The following CNTN5 variants were observed in gnomAD, a reference collection of about 807,000 sequenced individuals.
CNTN5 encodes the protein contactin-5.
Under a neutral mutation model 129.1 loss-of-function variants are expected in CNTN5, and 77 were observed. The ratio of observed to expected loss-of-function variants is 0.60; its 90% CI spans 0.50 to 0.72. The LOEUF (loss-of-function observed/expected upper bound fraction) is 0.72, where lower values mean the gene tolerates loss of function less well. Ranked by LOEUF, CNTN5 falls within the 30% of genes least tolerant of loss-of-function variation. The probability of loss-of-function intolerance (pLI) is 0.00; values close to 1 mark genes in which losing one functional copy is unlikely to be tolerated. For synonymous variants in CNTN5, 509 were observed against 465.6 expected (o/e 1.09, Z -1.20); for missense variants, 1,478 against 1,328.8 (o/e 1.11, Z -1.75).
chr11:99,223,655 G>A lies in CNTN5; in HGVS notation c.-209-101691G>A, dbSNP rs572115048. 2.6e-5 allele frequency among the ~76,000 whole-genome samples: 4 copies of A among 152,248 alleles called. No homozygotes were observed. In the South Asian group the frequency reaches 8.3e-4, roughly 32 times the overall value. ...ACAAAATAATCTGTCTTATACTTGA[G>A]AGGCTCTAATTACATAGAAGTCCCC... On this transcript the variant is annotated intron_variant, in intron 1 of 24. Coordinates refer to ENST00000524871, the MANE Select transcript of CNTN5 (RefSeq NM_014361.4).
At chr11:99,416,601 A>G (rs1157466873) in intron 2 of CNTN5, among the ~76,000 whole-genome samples, 1 of 152,104 alleles carries the variant, frequency 6.6e-6, no homozygotes, top group Non-Finnish European at 1.5e-5. Flanking sequence ...TACTACTGTC[A>G]CAGGTGCAAG....
chr11:100,014,358 C>T (rs532517260), intron 9 of CNTN5, among the ~76,000 whole-genome samples: 11 of 152,216 alleles, frequency 7.2e-5, no homozygotes, highest in Non-Finnish European at 1.3e-4. Flanking sequence ...CAAGTCCCCC[C>T]TCTCCATTTT....
chr11:99,874,639 C>T (rs1948588184), intron 6 of CNTN5, among the ~76,000 whole-genome samples: 1 of 152,210 alleles, frequency 6.6e-6, no homozygotes, highest in South Asian at 2.1e-4. Flanking sequence ...GGAAATACAT[C>T]TTCGTAATCT....
chr11:100,191,115 A>G lies in CNTN5; in HGVS notation c.1581-11A>G. ...AAACAGAAAAAAAAACTGTTTTTAAATAATTTTCAGAATAGCTATTCTTCC... is the reference window on the plus strand; with the variant it reads ...AAACAGAAAAAAAAACTGTTTTTAAGTAATTTTCAGAATAGCTATTCTTCC... On this transcript the variant is annotated splice_polypyrimidine_tract_variant and intron_variant, in intron 13 of 24. Coordinates refer to ENST00000524871, the MANE Select transcript of CNTN5 (RefSeq NM_014361.4). The G allele has an allele frequency of 3.2e-6, 5 of 1,575,546 alleles. No individual in the cohort carries two copies. Among genetic ancestry groups the G allele is most frequent in the Non-Finnish European group, 4.3e-6 (5 of 1,162,722 alleles).
intron 1 of CNTN5, among the ~76,000 whole-genome samples, chr11:99,314,421 T>C (rs1485675555): frequency 6.6e-6 from 1 of 152,262 alleles, no homozygotes; most frequent in African/African-American, 2.4e-5. Flanking sequence ...TGCTGTACCA[T>C]GTACACTTGG....
At chr11:99,424,342 G>T (rs1943024232) in intron 2 of CNTN5, among the ~76,000 whole-genome samples, 1 of 152,184 alleles carries the variant, frequency 6.6e-6, no homozygotes, top group Non-Finnish European at 1.5e-5. Flanking sequence ...GGGATCTGGG[G>T]GTTGTCGCTT....
At chr11:99,332,978 G>A (rs966878494) in intron 2 of CNTN5, among the ~76,000 whole-genome samples, 4 of 151,852 alleles carry the variant, frequency 2.6e-5, no homozygotes, top group African/African-American at 4.8e-5. Flanking sequence ...TTCATGCATC[G>A]TAATTTAGAA....
At chr11:100,143,472 A>G (rs7936996) in intron 13 of CNTN5, among the ~76,000 whole-genome samples, 5,306 of 152,226 alleles carry the variant, frequency 0.035, 284 homozygotes, top group African/African-American at 0.12. Flanking sequence ...TAGTTATACT[A>G]GGAAAGAGAA....
intron 2 of CNTN5, among the ~76,000 whole-genome samples, chr11:99,414,058 G>A (rs1942525217): frequency 6.6e-6 from 1 of 152,164 alleles, no homozygotes; most frequent in Non-Finnish European, 1.5e-5. Flanking sequence ...AGGAGCTTCA[G>A]TGATCCCAAG....
At chr11:99,058,202 A>G (rs561941631) in intron 1 of CNTN5, among the ~76,000 whole-genome samples, 1 of 152,098 alleles carries the variant, frequency 6.6e-6, no homozygotes, top group East Asian at 2.0e-4. Flanking sequence ...CTTTCTTCTG[A>G]CTGAGTAGCT....
At chr11:99,969,810 C>G (rs1264046353) in intron 8 of CNTN5, among the ~76,000 whole-genome samples, 1 of 152,114 alleles carries the variant, frequency 6.6e-6, no homozygotes, top group African/African-American at 2.4e-5. Flanking sequence ...CCCAGTGTGT[C>G]TTATTTGCAC....
At chr11:99,536,261 T>G (rs925892489) in intron 2 of CNTN5, among the ~76,000 whole-genome samples, 2 of 132,672 alleles carry the variant, frequency 1.5e-5, no homozygotes, top group Non-Finnish European at 1.7e-5. Flanking sequence ...AATAAGAAAA[T>G]CTTTTTTTTA....
chr11:100,263,459 A>T (rs978336090), intron 17 of CNTN5, among the ~76,000 whole-genome samples: 7 of 152,246 alleles, frequency 4.6e-5, no homozygotes, highest in African/African-American at 1.7e-4. Flanking sequence ...AATTTATTTG[A>T]TATTTAGGCT....
intron 1 of CNTN5, among the ~76,000 whole-genome samples, chr11:99,054,561 A>G (rs970308289): frequency 2.0e-5 from 3 of 151,902 alleles, no homozygotes; most frequent in Non-Finnish European, 2.9e-5. Context: ...AAGGCTTTCC[A>G]AAGTGTTCCT....
At chr11:99,417,789 A>G (rs1405453431) in intron 2 of CNTN5, among the ~76,000 whole-genome samples, 1 of 152,138 alleles carries the variant, frequency 6.6e-6, no homozygotes, top group Non-Finnish European at 1.5e-5. Context: ...TATAAATCAC[A>G]TTCTTTGGAT....
At chr11:99,819,493 ATAAAC>A in intron 3 of CNTN5, 46 bp from the exon 4 acceptor site, 1 of 1,489,296 alleles carries the variant, frequency 6.7e-7, no homozygotes, top group Non-Finnish European at 9.2e-7. Flanking sequence ...TAAGAAAAAA[ATAAAC>A]TAGTTTCCTC....
chr11:99,244,300 G>A (rs1861713132), intron 1 of CNTN5, among the ~76,000 whole-genome samples: 1 of 152,058 alleles, frequency 6.6e-6, no homozygotes, highest in Non-Finnish European at 1.5e-5. Context: ...TTTGTACATT[G>A]ATTTTGTATC....
chr11:99,450,768 G>GTTTTTTTTTTTTT (rs34146715), intron 2 of CNTN5, among the ~76,000 whole-genome samples: 29 of 105,004 alleles, frequency 2.8e-4, no homozygotes, highest in Admixed American at 4.2e-4. Flanking sequence ...ATTGAAGCAA[G>GTTTTTTTTTTTTT]TTTTTTTTTT....
At chr11:99,819,303 C>CCTCT (rs1946697342) in intron 3 of CNTN5, among the ~76,000 whole-genome samples, 1 of 17,546 alleles carries the variant, frequency 5.7e-5, no homozygotes, top group Non-Finnish European at 1.2e-4. Flanking sequence ...TCCTCCCCTT[C>CCTCT]CCTCCCCTCT....
Sources: allele counts gnomAD v4.1 joint callset (sites outside exome capture counted in the v4.1 genomes callset), GRCh38; gene constraint gnomAD v4.1.1; transcripts MANE v1.5; gene names NCBI Gene and HGNC (gene_info 2026-07-23, HGNC 2026-07-21).